Variants in RASA1 observed in about 807,000 individuals in gnomAD.
RASA1 encodes ras GTPase-activating protein 1.
A neutral mutation model predicts 132.2 loss-of-function variants in RASA1; 25 were observed. The observed-to-expected ratio is 0.19, with a 90% CI of 0.14 to 0.26. The LOEUF is 0.26. Among genes scored for constraint, RASA1 ranks in the 10% least tolerant of loss-of-function variants. RASA1 has a pLI of 1.00. For synonymous variants in RASA1, 477 were observed against 449.9 expected (o/e 1.06, Z -0.76); for missense variants, 964 against 1,299.2 (o/e 0.74, Z 3.97).
intron 5 of RASA1, among the ~76,000 whole-genome samples, 189 bp downstream of exon 5, chr5:87,338,280 C>G (rs1758124561): frequency 6.6e-6 from 1 of 151,638 alleles, no homozygotes; most frequent in African/African-American, 2.4e-5. Context: ...TAATACATAG[C>G]TGCCAATATT....
intron 12 of RASA1, 32 bp downstream of exon 12, chr5:87,369,932 CT>C (rs750863016): frequency 1.3e-6 from 2 of 1,524,880 alleles, no homozygotes; most frequent in Non-Finnish European, 1.8e-6. Flanking sequence ...CTACAGTATA[CT>C]TTTATGTTAG....
intron 1 of RASA1, among the ~76,000 whole-genome samples, chr5:87,300,158 C>A (rs1333523433): frequency 6.6e-6 from 1 of 151,962 alleles, no homozygotes; most frequent in Non-Finnish European, 1.5e-5. Flanking sequence ...TTGCATGAGC[C>A]CGGGAGTTAG....
rs1384480619 is a variant in RASA1, at chr5:87,268,711, CAG to C, written c.261_262del (p.Gly89ArgfsTer22). 6.2e-7 allele frequency: 1 copy of C among 1,612,140 alleles called. No homozygotes were observed. The highest frequency in any genetic ancestry group is 8.5e-7 in the Non-Finnish European group (1 of 1,179,274). On this transcript the variant is annotated frameshift_variant, in exon 1 of 25. Transcript: ENST00000274376. LOFTEE classifies it high-confidence loss of function. ...GGGGCACTGGGGGGAGCTGGACTGA[CAG>C]GGGGAGGTACTGCTGCTGGCGTAGC...
At chr5:87,385,688 AATTT>A (rs1213159107) in intron 22 of RASA1, among the ~76,000 whole-genome samples, 1 of 152,058 alleles carries the variant, frequency 6.6e-6, no homozygotes, top group Non-Finnish European at 1.5e-5. Flanking sequence ...GTCATTTAAA[AATTT>A]ATTTCACAAA....
chr5:87,367,651 T>C (rs1308240809), intron 11 of RASA1, among the ~76,000 whole-genome samples: 1 of 152,238 alleles, frequency 6.6e-6, no homozygotes, highest in Non-Finnish European at 1.5e-5. Context: ...GACACAAAGT[T>C]ATTCTAGTGA....
At chr5:87,303,337 CATTA>C (rs1310129349) in intron 1 of RASA1, among the ~76,000 whole-genome samples, 3 of 151,608 alleles carry the variant, frequency 2.0e-5, no homozygotes, top group African/African-American at 4.8e-5. Context: ...CTTTTGATTT[CATTA>C]ATTGTGTCCT....
intron 9 of RASA1, among the ~76,000 whole-genome samples, chr5:87,360,898 T>A (rs1760038654): frequency 6.6e-6 from 1 of 152,198 alleles, no homozygotes; most frequent in African/African-American, 2.4e-5. Context: ...TCTTTATCAT[T>A]TATGAGCAGA....
chr5:87,287,409 CATATATACACCATATATACACACCAT>C (rs1754667578), intron 1 of RASA1, among the ~76,000 whole-genome samples: 2 of 135,566 alleles, frequency 1.5e-5, no homozygotes, highest in South Asian at 4.7e-4. Context: ...ATATACACAC[CATATATACACCATATATACACACCAT>C]ATATATACAC....
rs1491302137 is a variant in RASA1, at chr5:87,380,755, TTA to T, written c.2690+161_2690+162del. Among the ~76,000 whole-genome samples the T allele has an allele frequency of 1.2e-3, 178 of 152,334 alleles. 1 individual carries two copies. Among genetic ancestry groups the T allele is most frequent in the Admixed American group, 3.0e-3 (46 of 15,304 alleles). Reference sequence around the variant, plus strand: ...GTCCAGATGGCTCCTAAACTGAAAGTTACTGTGAGATTTAGCTGCCGTTTGCA... The same window carrying T: ...GTCCAGATGGCTCCTAAACTGAAAGTCTGTGAGATTTAGCTGCCGTTTGCA... On this transcript the variant is annotated intron_variant, in intron 20 of 24. Transcript: ENST00000274376.
chr5:87,386,915 G>C lies in RASA1; in HGVS notation c.2925+12G>C, dbSNP rs369502267. The stretch of plus-strand genomic sequence containing the variant: ...TAGATGAACTTGGGGTATGTATATA[G>C]TTTTCAGGTACTTTTTTTAAGACTT... On this transcript the variant is annotated intron_variant, in intron 23 of 24. Coordinates refer to ENST00000274376, the MANE Select transcript of RASA1 (RefSeq NM_002890.3). 16 of 1,602,696 alleles carry C rather than the reference G, an allele frequency of 1.0e-5. No individual in the cohort carries two copies. Among genetic ancestry groups the C allele is most frequent in the Middle Eastern group, 2.0e-4 (1 of 4,994 alleles).
At position 87,279,088 on chromosome 5, in the gene RASA1, A is replaced by G. The variant is rs535825625; in HGVS notation, c.539+10098A>G. On this transcript the variant is annotated intron_variant, in intron 1 of 24. Transcript: ENST00000274376. The stretch of plus-strand genomic sequence containing the variant: ...GCGAAACCTTGTCTCTACAAAAAAA[A>G]CAAAAATTAGCTGTTCGTGGTGTTG... Among the ~76,000 whole-genome samples, 4 of 152,104 alleles carry G rather than the reference A, an allele frequency of 2.6e-5. No homozygotes were observed. The East Asian group carries it at 7.7e-4, about 29-fold the overall frequency.
At chr5:87,358,463 G>A (rs553966333) in intron 9 of RASA1, among the ~76,000 whole-genome samples, 1 of 151,914 alleles carries the variant, frequency 6.6e-6, no homozygotes, top group South Asian at 2.1e-4. Context: ...TTTTCTTCCT[G>A]TACTTTATAT....
In RASA1 at chr5:87,329,281, C is replaced by CAAAAAAAAAAAAAAAAAAAA. The variant is rs571157213; in HGVS notation, c.540-2053_540-2052insAAAAAAAAAAAAAAAAAAAA. ...GTGACATGGCAAAACTCTGTCTCTC[C>CAAAAAAAAAAAAAAAAAAAA]AAAAAAAAAAAAAAGCTGGATGTGG... On this transcript the variant is annotated intron_variant, in intron 1 of 24. Transcript: ENST00000274376. Among the ~76,000 whole-genome samples, 59 of 119,156 alleles carry CAAAAAAAAAAAAAAAAAAAA rather than the reference C, an allele frequency of 5.0e-4. 1 individual carries two copies. The highest frequency in any genetic ancestry group is 1.7e-3 in the African/African-American group (56 of 32,748). 78.2% of individuals were successfully genotyped at this position (119,156 alleles called of 152,430 possible).
chr5:87,349,190 A>G (rs1759082170), intron 7 of RASA1, 24 bp from the exon 8 acceptor site: 1 of 1,610,166 alleles, frequency 6.2e-7, no homozygotes, highest in Middle Eastern at 1.7e-4. Flanking sequence ...AATTAGGGAA[A>G]AACTAACAGC....
rs3838242 is a variant in RASA1, at chr5:87,349,719, GA to G, written c.1253+364del. Among the ~76,000 whole-genome samples, 405 of 150,924 alleles carry G rather than the reference GA, an allele frequency of 2.7e-3. 5 individuals are homozygous for G. Among genetic ancestry groups the G allele is most frequent in the East Asian group, 8.4e-3 (43 of 5,148 alleles). On this transcript the variant is annotated intron_variant, in intron 8 of 24. Transcript: ENST00000274376. The stretch of plus-strand genomic sequence containing the variant: ...TTTTATCAGTGAGATACTTTAGTAG[GA>G]AAAAAAAAGTTTCTAAAGATACCTG...
chr5:87,293,212 A>T (rs1754980641), intron 1 of RASA1, among the ~76,000 whole-genome samples: 1 of 151,484 alleles, frequency 6.6e-6, no homozygotes, highest in Non-Finnish European at 1.5e-5. Context: ...TGACATTCTC[A>T]CCATTAAGTA....
chr5:87,390,106 C>A (rs1036861424), intron 24 of RASA1, among the ~76,000 whole-genome samples: 10 of 152,160 alleles, frequency 6.6e-5, no homozygotes, highest in Non-Finnish European at 1.5e-4. Context: ...CTGCACCAAA[C>A]AGATACAGAT....
At chr5:87,286,919 A>G (rs1170461907) in intron 1 of RASA1, among the ~76,000 whole-genome samples, 7 of 149,834 alleles carry the variant, frequency 4.7e-5, no homozygotes, top group Admixed American at 4.0e-4. Context: ...GGAACACCAT[A>G]TATATACATA....
At chr5:87,288,365 T>C (rs1431066161) in intron 1 of RASA1, among the ~76,000 whole-genome samples, 1 of 151,962 alleles carries the variant, frequency 6.6e-6, no homozygotes, top group Non-Finnish European at 1.5e-5. Flanking sequence ...TCTCAAACAG[T>C]GGCAGCAACG....
Sources: allele counts gnomAD v4.1 joint callset (sites outside exome capture counted in the v4.1 genomes callset), GRCh38; gene constraint gnomAD v4.1.1; transcripts MANE v1.5; gene names NCBI Gene and HGNC (gene_info 2026-07-23, HGNC 2026-07-21).